TTC28: variants seen among roughly 807,000 people sequenced by gnomAD.
The protein encoded by TTC28 is tetratricopeptide repeat domain 28.
Under a neutral mutation model 198.0 loss-of-function variants are expected in TTC28, and 61 were observed. The ratio of observed to expected loss-of-function variants is 0.31; its 90% CI spans 0.25 to 0.38. The LOEUF (loss-of-function observed/expected upper bound fraction) is 0.38. TTC28 is among the 10% of genes least tolerant of loss of function. TTC28 has a pLI of 1.00. For synonymous variants in TTC28, 1,171 were observed against 1,297.8 expected (o/e 0.90, Z 2.10); for missense variants, 2,678 against 3,164.0 (o/e 0.85, Z 3.69).
chr22:28,203,614 T>C (rs1926154553), intron 5 of TTC28, among the ~76,000 whole-genome samples: 1 of 152,168 alleles, frequency 6.6e-6, no homozygotes, highest in African/African-American at 2.4e-5. Context: ...CTTAGATTTC[T>C]ACTGAATGCC....
At chr22:28,113,019 G>C (rs907942586) in intron 6 of TTC28, among the ~76,000 whole-genome samples, 3 of 152,174 alleles carry the variant, frequency 2.0e-5, no homozygotes, top group Non-Finnish European at 4.4e-5. Flanking sequence ...GGGCCAATGC[G>C]ATCATGCTCA....
At chr22:28,568,723 A>T (rs1335456217) in intron 2 of TTC28, among the ~76,000 whole-genome samples, 1 of 152,184 alleles carries the variant, frequency 6.6e-6, no homozygotes, top group Non-Finnish European at 1.5e-5. Flanking sequence ...AAATGGAAAA[A>T]CATTCCATGC....
At chr22:28,588,596 C>T (rs931673645) in intron 2 of TTC28, among the ~76,000 whole-genome samples, 2 of 152,194 alleles carry the variant, frequency 1.3e-5, no homozygotes, top group East Asian at 3.8e-4. Flanking sequence ...TATATCAAAT[C>T]ACTAGAGCCA....
chr22:28,334,262 T>G (rs192780973), intron 2 of TTC28, among the ~76,000 whole-genome samples: 8,536 of 152,058 alleles, frequency 0.056, 357 homozygotes, highest in Admixed American at 0.14. Context: ...TGATGGACAT[T>G]TGGGTTGGTT....
At chr22:28,539,397 G>A (rs1274269147) in intron 2 of TTC28, among the ~76,000 whole-genome samples, 1 of 152,162 alleles carries the variant, frequency 6.6e-6, no homozygotes, top group Non-Finnish European at 1.5e-5. Flanking sequence ...CACTTTGGGA[G>A]GCCAAGGTGG....
At chr22:28,671,278 T>C (rs868856297) in intron 1 of TTC28, among the ~76,000 whole-genome samples, 1 of 152,062 alleles carries the variant, frequency 6.6e-6, no homozygotes, top group South Asian at 2.1e-4. Context: ...CCTTTTATCA[T>C]TGCATAGTAA....
chr22:28,598,971 T>C (rs2050591909), intron 2 of TTC28, among the ~76,000 whole-genome samples: 1 of 152,164 alleles, frequency 6.6e-6, no homozygotes, highest in Non-Finnish European at 1.5e-5. Context: ...CAAAGAAAAT[T>C]ACAAGAGCAC....
At chr22:28,308,899 G>C (rs1000496860) in intron 2 of TTC28, among the ~76,000 whole-genome samples, 1 of 152,160 alleles carries the variant, frequency 6.6e-6, no homozygotes, top group Non-Finnish European at 1.5e-5. Context: ...TCCCTGTAAA[G>C]ATAGCATAAT....
chr22:28,167,338 C>T (rs1012046716), intron 5 of TTC28, among the ~76,000 whole-genome samples: 2 of 152,216 alleles, frequency 1.3e-5, no homozygotes, highest in Non-Finnish European at 2.9e-5. Flanking sequence ...CCAGCATTAT[C>T]CTGATACCAA....
intron 2 of TTC28, among the ~76,000 whole-genome samples, chr22:28,617,513 C>CAT (rs2050922033): frequency 6.6e-6 from 1 of 151,590 alleles, no homozygotes; most frequent in African/African-American, 2.4e-5. Context: ...ATAAAGGGGG[C>CAT]ATATGATATG....
chr22:28,122,481 T>C (rs1249721832), intron 6 of TTC28, among the ~76,000 whole-genome samples: 2 of 152,234 alleles, frequency 1.3e-5, no homozygotes, highest in Admixed American at 6.5e-5. Context: ...AAAATCCCTA[T>C]GTATCTATCT....
intron 2 of TTC28, among the ~76,000 whole-genome samples, chr22:28,621,185 C>G (rs1303879971): frequency 1.3e-5 from 2 of 152,088 alleles, no homozygotes; most frequent in Non-Finnish European, 2.9e-5. Context: ...TTCCAATTTT[C>G]CACAAACTTT....
chr22:28,520,314 G>A (rs1295432936), intron 2 of TTC28, among the ~76,000 whole-genome samples: 6 of 152,176 alleles, frequency 3.9e-5, no homozygotes, highest in Non-Finnish European at 8.8e-5. Context: ...ATAAACTAAT[G>A]TCTCATGTAC....
chr22:28,577,697 C>A (rs868432123), intron 2 of TTC28, among the ~76,000 whole-genome samples: 3 of 152,002 alleles, frequency 2.0e-5, no homozygotes, highest in South Asian at 2.1e-4. Context: ...GCTGAACTGA[C>A]CTCTTTATTA....
chr22:28,368,629 T>G (rs1244163385), intron 2 of TTC28, among the ~76,000 whole-genome samples: 1 of 152,094 alleles, frequency 6.6e-6, no homozygotes. Context: ...GATGATATGA[T>G]CTTATGTTTG....
intron 6 of TTC28, among the ~76,000 whole-genome samples, chr22:28,161,901 A>AGGAGGGAGGGAGGGAG (rs59668076): frequency 8.6e-6 from 1 of 115,682 alleles, no homozygotes; most frequent in Non-Finnish European, 1.8e-5. Context: ...AAGGGAAGGA[A>AGGAGGGAGGGAGGGAG]GGAGGGAGGG....
chr22:28,353,317 A>G (rs1325253010), intron 2 of TTC28, among the ~76,000 whole-genome samples: 2 of 152,238 alleles, frequency 1.3e-5, no homozygotes, highest in Non-Finnish European at 2.9e-5. Flanking sequence ...GAATGTATGT[A>G]TAAAAAGTAG....
At chr22:28,244,868 T>C (rs1441144662) in intron 5 of TTC28, among the ~76,000 whole-genome samples, 1 of 152,192 alleles carries the variant, frequency 6.6e-6, no homozygotes, top group African/African-American at 2.4e-5. Context: ...CACAATTTGG[T>C]GTCAATTTCA....
At chr22:28,318,284 C>T (rs2045384717) in intron 2 of TTC28, among the ~76,000 whole-genome samples, 1 of 151,972 alleles carries the variant, frequency 6.6e-6, no homozygotes, top group Admixed American at 6.6e-5. Flanking sequence ...TTAAGAAAAC[C>T]AGATTTTCTT....
Sources: allele counts gnomAD v4.1 joint callset (sites outside exome capture counted in the v4.1 genomes callset), GRCh38; gene constraint gnomAD v4.1.1; transcripts MANE v1.5; gene names NCBI Gene and HGNC (gene_info 2026-07-23, HGNC 2026-07-21).